MAG: variants seen among roughly 807,000 people sequenced by gnomAD.
The protein encoded by MAG is myelin-associated glycoprotein.
A neutral mutation model predicts 60.7 loss-of-function variants in MAG; 30 were observed. The ratio of observed to expected loss-of-function variants is 0.49; its 90% CI spans 0.37 to 0.67. MAG has a LOEUF of 0.67. Among genes scored for constraint, MAG ranks in the 30% least tolerant of loss-of-function variants. The pLI is 0.00. For missense variants in MAG, 795 were observed against 851.7 expected (o/e 0.93, Z 0.83); for synonymous variants, 384 against 376.8 (o/e 1.02, Z -0.22).
chr19:35,307,952 A>G (rs2145622175), intron 7 of MAG, among the ~76,000 whole-genome samples: 1 of 152,208 alleles, frequency 6.6e-6, no homozygotes, highest in African/African-American at 2.4e-5. Flanking sequence ...GGAAGCCAGA[A>G]AGGAGGGGAT....
At chr19:35,296,472 A>G (rs964332506) in intron 4 of MAG, among the ~76,000 whole-genome samples, 8 of 152,212 alleles carry the variant, frequency 5.3e-5, no homozygotes. Flanking sequence ...AGGTGTTCTG[A>G]ATTTTCAAGA....
In MAG at chr19:35,302,600, C is replaced by G; in HGVS notation, c.1123C>G (p.Leu375Val). 6.2e-7 allele frequency: 1 copy of G among 1,614,220 alleles called. No homozygotes were observed. The highest frequency in any genetic ancestry group is 8.5e-7 in the Non-Finnish European group (1 of 1,180,046). ...ILSTVIYESE[L>V]QLELPAVSPE... ...GTCCACGGTCATCTACGAGAGCGAG[C>G]TGCAGCTGGAGCTGCCGGCCGTGTC... The change falls in exon 7 of 11, where the codon CTG becomes GTG. Residue 375 changes from leucine (L) to valine (V), a missense_variant. Transcript: ENST00000392213.
intron 2 of MAG, among the ~76,000 whole-genome samples, chr19:35,294,927 G>C (rs933839998): frequency 6.6e-6 from 1 of 152,114 alleles, no homozygotes; most frequent in African/African-American, 2.4e-5. Flanking sequence ...CTGGGTGACA[G>C]GGCTGAGACC....
intron 10 of MAG, among the ~76,000 whole-genome samples, chr19:35,313,026 AAAAG>A (rs2066540033): frequency 6.6e-6 from 1 of 152,176 alleles, no homozygotes; most frequent in Non-Finnish European, 1.5e-5. Context: ...GTCTCAAAGA[AAAAG>A]AAGAAGAAGA....
At chr19:35,300,469 T>A (rs752314727) in intron 6 of MAG, 65 bp downstream of exon 6, 23 of 1,495,824 alleles carry the variant, frequency 1.5e-5, no homozygotes, top group Non-Finnish European at 2.0e-5. Flanking sequence ...GAAAGGGGCC[T>A]CATCCAGGGC....
chr19:35,300,723 C>A (rs1365630763), intron 6 of MAG, among the ~76,000 whole-genome samples: 1 of 152,158 alleles, frequency 6.6e-6, no homozygotes, highest in African/African-American at 2.4e-5. Context: ...CAGGAATCTG[C>A]GTTTTACTTT....
intron 10 of MAG, 152 bp downstream of exon 10, chr19:35,312,169 G>T: frequency 7.8e-7 from 1 of 1,278,552 alleles, no homozygotes; most frequent in Non-Finnish European, 1.1e-6. Context: ...GGACCTGGAG[G>T]CTGGGGAGGA....
intron 4 of MAG, among the ~76,000 whole-genome samples, chr19:35,298,780 G>A (rs1432033754): frequency 1.7e-5 from 2 of 118,698 alleles, no homozygotes; most frequent in African/African-American, 6.7e-5. Flanking sequence ...TACCACACAC[G>A]ACCCAAACTA....
chr19:35,308,925 G>A (rs1201438419), intron 7 of MAG, among the ~76,000 whole-genome samples: 3 of 152,168 alleles, frequency 2.0e-5, no homozygotes, highest in Non-Finnish European at 4.4e-5. Context: ...ATGAGCTATA[G>A]TACTGCCACT....
intron 10 of MAG, chr19:35,312,825 G>A (rs2066538730): frequency 5.8e-6 from 1 of 172,012 alleles, no homozygotes; most frequent in Non-Finnish European, 1.2e-5. Context: ...ATCACTTGAG[G>A]TCAGGAGTTT....
At chr19:35,298,837 TCA>T (rs1170305543) in intron 4 of MAG, among the ~76,000 whole-genome samples, 2 of 130,858 alleles carry the variant, frequency 1.5e-5, no homozygotes, top group Non-Finnish European at 3.3e-5. Context: ...TACCCACACA[TCA>T]CACACACACC....
rs10419210 is a variant in MAG, at chr19:35,312,035, G to C, written c.1716+18G>C. The C allele has an allele frequency of 7.3e-4, 1,178 of 1,604,906 alleles. 5 individuals are homozygous for C. The African/African-American group carries it at 0.013, about 17-fold the overall frequency. On this transcript the variant is annotated intron_variant, in intron 10 of 10. Coordinates refer to ENST00000392213, the MANE Select transcript of MAG (RefSeq NM_002361.4). ...AGTACGAGGTAAGGACCAGGCTCCA[G>C]GCTGGCCTGGGAACCTGGATGCCAG...
intron 10 of MAG, chr19:35,312,237 C>T: frequency 6.3e-7 from 1 of 1,584,674 alleles, no homozygotes; most frequent in African/African-American, 1.3e-5. Flanking sequence ...AGGGCCCCCT[C>T]CCCTCCCTGC....
At position 35,310,084 on chromosome 19, in the gene MAG, A is replaced by G; in HGVS notation, c.1442A>G (p.Gln481Arg). 1 of 1,613,014 alleles carries G rather than the reference A, an allele frequency of 6.2e-7. No individual in the cohort carries two copies. The highest frequency in any genetic ancestry group is 1.1e-5 in the South Asian group (1 of 91,018). ...ATCCTCACGCTGCGGGGGCAGGCCCAGGCCCCGCCCCGCGTCATCTGCACC... is the reference window on the plus strand; with the variant it reads ...ATCCTCACGCTGCGGGGGCAGGCCCGGGCCCCGCCCCGCGTCATCTGCACC... Reference protein sequence around the residue: ...TSILTLRGQAQAPPRVICTAR... With the variant: ...TSILTLRGQARAPPRVICTAR... Residue 481 changes from glutamine (Q) to arginine (R), a missense_variant, in exon 8 of 11, where the codon CAG becomes CGG. Physicochemically the swap from Gln to Arg is conservative, Grantham distance 43 (BLOSUM62 1). Coordinates refer to ENST00000392213, the MANE Select transcript of MAG (RefSeq NM_002361.4).
chr19:35,310,379 A>C (rs965760599), intron 8 of MAG, among the ~76,000 whole-genome samples, 168 bp from the exon 9 acceptor site: 5 of 152,224 alleles, frequency 3.3e-5, no homozygotes, highest in Non-Finnish European at 7.4e-5. Flanking sequence ...GCCCTCTAGC[A>C]TGAAAGGGAT....
Position 35,311,755 on chromosome 19 carries a change from G to A in MAG, c.1617-163G>A, listed in dbSNP as rs79036414. On this transcript the variant is annotated intron_variant, in intron 9 of 10. Coordinates refer to ENST00000392213, the MANE Select transcript of MAG (RefSeq NM_002361.4). The stretch of plus-strand genomic sequence containing the variant: ...GGGCAGGGGCCACAGAGGTGGGAAG[G>A]ATGGGCTGTGTGGGTAGGAGAGGCT... Among the ~76,000 whole-genome samples, 4,450 of 152,276 alleles carry A rather than the reference G, an allele frequency of 0.029. 216 individuals are homozygous for A. Among genetic ancestry groups the A allele is most frequent in the African/African-American group, 0.1 (4,212 of 41,538 alleles).
chr19:35,294,430 A>T, intron 2 of MAG, 140 bp downstream of exon 2: 1 of 374,090 alleles, frequency 2.7e-6, no homozygotes. Flanking sequence ...TCATCACTGC[A>T]TAGAGACAGG....
rs755009472 is a variant in MAG, at chr19:35,300,262, C to T, written c.828C>T (p.Asp276=). Residue 276 remains aspartate (D), a synonymous_variant, in exon 6 of 11, where the codon GAC becomes GAT. Coordinates refer to ENST00000392213, the MANE Select transcript of MAG (RefSeq NM_002361.4). ...NPPPLLTWMR[D]GTVLREAVAE... ...CGCCGCTGCTGACCTGGATGCGGGA[C>T]GGGACAGTCCTCCGGGAGGCGGTGG... The T allele has an allele frequency of 5.6e-6, 9 of 1,597,596 alleles. No individual in the cohort carries two copies. The highest frequency in any genetic ancestry group is 5.1e-5 in the Admixed American group (3 of 59,388).
In MAG at chr19:35,293,096, T is replaced by C. The variant is rs1366502073; in HGVS notation, c.-80+892T>C. Among the ~76,000 whole-genome samples the C allele has an allele frequency of 6.6e-6, 1 of 152,142 alleles. No homozygotes were observed. Among genetic ancestry groups the C allele is most frequent in the African/African-American group, 2.4e-5 (1 of 41,422 alleles). On this transcript the variant is annotated intron_variant, in intron 1 of 10. Transcript: ENST00000392213. The surrounding 1 kb of genome is among the most constrained non-coding windows in gnomAD (Gnocchi z 4.0). ...GCATGGTCTACCTGCTTGTTTCATG[T>C]CTGCCCGGGCACGTGCTCATCCTCA...
Sources: gnomAD v4.1 joint callset for allele counts (sites outside exome capture counted in the v4.1 genomes callset) on GRCh38, gnomAD v4.1.1 for gene constraint, Gnocchi (gnomAD v3.1) non-coding constraint, MANE v1.5 for transcripts, NCBI Gene and HGNC (gene_info 2026-07-23, HGNC 2026-07-21) for gene names.